Variants in BTBD9 observed in about 807,000 individuals in gnomAD.
BTBD9 encodes the protein BTB domain containing 9.
A neutral mutation model predicts 64.3 loss-of-function variants in BTBD9; 49 were observed. The observed-to-expected ratio is 0.76, with a 90% CI of 0.61 to 0.97. The LOEUF (loss-of-function observed/expected upper bound fraction) is 0.97, where lower values mean the gene tolerates loss of function less well. Among genes scored for constraint, BTBD9 ranks in the 50% least tolerant of loss-of-function variants. The probability of loss-of-function intolerance (pLI) is 0.00; values close to 1 mark genes in which losing one functional copy is unlikely to be tolerated. For missense variants in BTBD9, 598 were observed against 762.1 expected, an observed-to-expected ratio of 0.78 and a Z score of 2.53; for synonymous variants, 260 against 274.7, an observed-to-expected ratio of 0.95 and a Z score of 0.53.
intron 7 of BTBD9, among the ~76,000 whole-genome samples, chr6:38,291,855 G>T (rs1198727302): frequency 6.6e-6 from 1 of 152,114 alleles, no homozygotes; most frequent in Non-Finnish European, 1.5e-5. Context: ...ACTTGATTGT[G>T]GTGGATAAGC....
chr6:38,614,461 A>G (rs1384921255), intron 1 of BTBD9, among the ~76,000 whole-genome samples: 1 of 152,222 alleles, frequency 6.6e-6, no homozygotes, highest in Non-Finnish European at 1.5e-5. Context: ...AAAAGAGGCC[A>G]TACAGATATT....
chr6:38,407,566 T>C (rs921541633), intron 6 of BTBD9, among the ~76,000 whole-genome samples: 1 of 152,114 alleles, frequency 6.6e-6, no homozygotes. Flanking sequence ...AGAATTCTAG[T>C]CATGCATTTA....
At chr6:38,355,081 G>A (rs953093463) in intron 6 of BTBD9, among the ~76,000 whole-genome samples, 1 of 152,150 alleles carries the variant, frequency 6.6e-6, no homozygotes, top group African/African-American at 2.4e-5. Context: ...TAGCATGAAG[G>A]ATTACTAATT....
At chr6:38,253,719 A>C (rs1454048490) in intron 9 of BTBD9, among the ~76,000 whole-genome samples, 1 of 152,202 alleles carries the variant, frequency 6.6e-6, no homozygotes, top group African/African-American at 2.4e-5. Flanking sequence ...ACAAATGCAT[A>C]GTTGTTCATG....
intron 6 of BTBD9, among the ~76,000 whole-genome samples, chr6:38,362,965 C>A (rs114411866): frequency 6.6e-6 from 1 of 151,932 alleles, no homozygotes; most frequent in South Asian, 2.1e-4. Context: ...AATGACAGAA[C>A]CACATGACAG....
At chr6:38,311,480 T>C (rs1443658611) in intron 7 of BTBD9, among the ~76,000 whole-genome samples, 2 of 152,228 alleles carry the variant, frequency 1.3e-5, no homozygotes, top group East Asian at 1.9e-4. Flanking sequence ...CATTCATCTA[T>C]TGATGGAGAC....
In BTBD9 at chr6:38,257,838, A is replaced by G. The variant is rs114611966; in HGVS notation, c.1455-1322T>C. Among the ~76,000 whole-genome samples the G allele has an allele frequency of 2.3e-3, 343 of 152,228 alleles. 1 individual carries two copies. The highest frequency in any genetic ancestry group is 4.0e-3 in the Non-Finnish European group (269 of 68,010). On this transcript the variant is annotated intron_variant, in intron 8 of 10. Coordinates refer to ENST00000481247, the MANE Select transcript of BTBD9 (RefSeq NM_001099272.2). ...GGAGGTATCGACTAGGAAAGGGTAA[A>G]AGGGAACTTTCTAGAATACTGGAAA...
At position 38,326,757 on chromosome 6, in the gene BTBD9, C is replaced by CAA. The variant is rs398001240; in HGVS notation, c.1264+18225_1264+18226dup. 2.2e-3 allele frequency among the ~76,000 whole-genome samples: 266 copies of CAA among 123,484 alleles called. 1 individual carries two copies. The highest frequency in any genetic ancestry group is 3.5e-3 in the African/African-American group (110 of 31,748). The allele number at this position is 123,484 out of a possible 152,430, so 81.0% of individuals were successfully genotyped here. ...ACATTAATTCATCAAAGAATCACTG[C>CAA]AAAAAAAAAAAAAAACAGCTGGTGT... On this transcript the variant is annotated intron_variant, in intron 7 of 10. Coordinates refer to ENST00000481247, the MANE Select transcript of BTBD9 (RefSeq NM_001099272.2).
intron 9 of BTBD9, 53 bp from the exon 10 acceptor site, chr6:38,192,650 G>A: frequency 2.0e-6 from 3 of 1,522,950 alleles, no homozygotes; most frequent in East Asian, 2.3e-5. Flanking sequence ...TGACTCTCTG[G>A]TAGTGTGGCC....
At chr6:38,301,528 C>A (rs1762403466) in intron 7 of BTBD9, among the ~76,000 whole-genome samples, 1 of 152,190 alleles carries the variant, frequency 6.6e-6, no homozygotes, top group Admixed American at 6.5e-5. Flanking sequence ...ATTATTGCCT[C>A]AATTTCAGAG....
chr6:38,302,847 G>C (rs1372523422), intron 7 of BTBD9, among the ~76,000 whole-genome samples: 1 of 151,860 alleles, frequency 6.6e-6, no homozygotes, highest in Non-Finnish European at 1.5e-5. Context: ...TTCTAACTCA[G>C]GTGAAGTAAT....
At chr6:38,175,556 C>CTGG (rs59918159) in intron 10 of BTBD9, among the ~76,000 whole-genome samples, 8 of 151,530 alleles carry the variant, frequency 5.3e-5, no homozygotes, top group South Asian at 2.1e-4. Flanking sequence ...CAGGAGTTGA[C>CTGG]TGGTGGTGGT....
At chr6:38,544,674 C>A (rs1774446512) in intron 6 of BTBD9, among the ~76,000 whole-genome samples, 4 of 151,782 alleles carry the variant, frequency 2.6e-5, no homozygotes, top group Admixed American at 2.6e-4. Context: ...TGCCTATAAT[C>A]CCAGCACTTT....
chr6:38,196,555 A>C (rs1762279472), intron 9 of BTBD9, among the ~76,000 whole-genome samples: 1 of 152,210 alleles, frequency 6.6e-6, no homozygotes, highest in Admixed American at 6.5e-5. Flanking sequence ...TTGGAGGCAG[A>C]CAAGCAGCTG....
At chr6:38,486,179 A>C (rs1211516354) in intron 6 of BTBD9, among the ~76,000 whole-genome samples, 1 of 152,204 alleles carries the variant, frequency 6.6e-6, no homozygotes, top group African/African-American at 2.4e-5. Flanking sequence ...CCTTGCTCCG[A>C]ATCAGGCTTT....
At chr6:38,457,671 C>T (rs1158363516) in intron 6 of BTBD9, among the ~76,000 whole-genome samples, 2 of 152,006 alleles carry the variant, frequency 1.3e-5, no homozygotes, top group Admixed American at 1.3e-4. Context: ...ATGGCTAGAA[C>T]ACAAGGGAGA....
chr6:38,309,167 C>T (rs563470429), intron 7 of BTBD9, among the ~76,000 whole-genome samples: 123 of 151,474 alleles, frequency 8.1e-4, no homozygotes, highest in African/African-American at 2.7e-3. Flanking sequence ...GTCAGGAGTT[C>T]GAGACCAGCC....
At chr6:38,522,342 T>A (rs898535460) in intron 6 of BTBD9, among the ~76,000 whole-genome samples, 2 of 130,098 alleles carry the variant, frequency 1.5e-5, no homozygotes, top group Non-Finnish European at 3.4e-5. Flanking sequence ...TCCTTTCACA[T>A]TTATACTTCT....
At chr6:38,457,184 C>A (rs1181333343) in intron 6 of BTBD9, among the ~76,000 whole-genome samples, 1 of 152,094 alleles carries the variant, frequency 6.6e-6, no homozygotes, top group Non-Finnish European at 1.5e-5. Context: ...AGACAGCAAA[C>A]CATTTAAGGT....
Sources: allele counts gnomAD v4.1 joint callset (sites outside exome capture counted in the v4.1 genomes callset), GRCh38; gene constraint gnomAD v4.1.1; transcripts MANE v1.5; gene names NCBI Gene and HGNC (gene_info 2026-07-23, HGNC 2026-07-21).